Variants in NRXN3 observed in about 807,000 individuals in gnomAD.
NRXN3 encodes the protein neurexin III.
NRXN3 carries 32 observed loss-of-function variants against 137.6 expected under a neutral mutation model. The ratio of observed to expected loss-of-function variants is 0.23; its 90% CI spans 0.18 to 0.31. NRXN3 has a LOEUF of 0.31. Ranked by LOEUF, NRXN3 falls within the 10% of genes least tolerant of loss-of-function variation. NRXN3 has a pLI of 1.00. For missense variants in NRXN3, 1,574 were observed against 2,062.5 expected, an observed-to-expected ratio of 0.76 and a Z score of 4.59; for synonymous variants, 798 against 784.5, an observed-to-expected ratio of 1.02 and a Z score of -0.29.
At chr14:79,544,351 G>A (rs1278463011) in intron 16 of NRXN3, among the ~76,000 whole-genome samples, 2 of 152,196 alleles carry the variant, frequency 1.3e-5, no homozygotes, top group African/African-American at 2.4e-5. Flanking sequence ...GAGCATTAGA[G>A]GAAAAATGCC....
intron 14 of NRXN3, among the ~76,000 whole-genome samples, chr14:78,983,958 C>A (rs1240596576): frequency 3.3e-5 from 5 of 151,564 alleles, no homozygotes; most frequent in African/African-American, 1.2e-4. Context: ...GTGAAATAAG[C>A]CAGGCACAGA....
intron 5 of NRXN3, among the ~76,000 whole-genome samples, chr14:78,649,609 T>C (rs1425350365): frequency 2.0e-5 from 3 of 151,798 alleles, no homozygotes; most frequent in Non-Finnish European, 2.9e-5. Flanking sequence ...ATTTGTTTTC[T>C]TTTGTTTTCT....
At chr14:78,897,007 A>G (rs898287624) in intron 10 of NRXN3, among the ~76,000 whole-genome samples, 1 of 151,898 alleles carries the variant, frequency 6.6e-6, no homozygotes, top group Non-Finnish European at 1.5e-5. Context: ...CTTGTAAAGA[A>G]AGTTTTATTT....
chr14:78,578,738 G>C (rs1482976484), intron 4 of NRXN3, among the ~76,000 whole-genome samples: 2 of 152,008 alleles, frequency 1.3e-5, no homozygotes, highest in Non-Finnish European at 2.9e-5. Context: ...TACTCACTTA[G>C]GGCTGTCTGT....
chr14:79,255,636 A>T (rs149986261), intron 15 of NRXN3, among the ~76,000 whole-genome samples: 2 of 152,380 alleles, frequency 1.3e-5, no homozygotes, highest in East Asian at 1.9e-4. Context: ...GTTAATTATC[A>T]TCCTTATTAT....
At chr14:78,532,017 A>T (rs1278042225) in intron 4 of NRXN3, among the ~76,000 whole-genome samples, 2 of 151,980 alleles carry the variant, frequency 1.3e-5, no homozygotes, top group African/African-American at 4.8e-5. Flanking sequence ...CTTCATGGAG[A>T]AAACTGGCTA....
At chr14:79,036,018 C>A (rs1285295053) in intron 15 of NRXN3, among the ~76,000 whole-genome samples, 2 of 151,994 alleles carry the variant, frequency 1.3e-5, no homozygotes, top group African/African-American at 2.4e-5. Context: ...TTATATCATT[C>A]ATCTTGATGC....
At chr14:78,745,518 C>T (rs1166243099) in intron 8 of NRXN3, among the ~76,000 whole-genome samples, 1 of 152,224 alleles carries the variant, frequency 6.6e-6, no homozygotes, top group Non-Finnish European at 1.5e-5. Flanking sequence ...TCTTTCTCTG[C>T]ATTGAGCCTT....
At chr14:78,760,664 C>G (rs1296499004) in intron 8 of NRXN3, among the ~76,000 whole-genome samples, 1 of 151,920 alleles carries the variant, frequency 6.6e-6, no homozygotes, top group Admixed American at 6.6e-5. Flanking sequence ...GAAATCGTCA[C>G]TTCCTACCTG....
At chr14:78,365,422 C>T (rs1411342951) in intron 4 of NRXN3, among the ~76,000 whole-genome samples, 4 of 152,172 alleles carry the variant, frequency 2.6e-5, no homozygotes, top group African/African-American at 9.7e-5. Context: ...TAGATTCTTT[C>T]ATCTACTGTC....
chr14:79,102,875 A>G (rs1293759125), intron 15 of NRXN3, among the ~76,000 whole-genome samples: 2 of 152,180 alleles, frequency 1.3e-5, no homozygotes, highest in Middle Eastern at 3.2e-3. Context: ...GTAGTAAGTG[A>G]GAAAAAGGTG....
intron 10 of NRXN3, among the ~76,000 whole-genome samples, chr14:78,895,459 C>T (rs2099170837): frequency 6.6e-6 from 1 of 151,914 alleles, no homozygotes; most frequent in African/African-American, 2.4e-5. Context: ...CTGGGTTAGG[C>T]TTTGGCTTAA....
chr14:79,394,202 G>T (rs2094944921), intron 15 of NRXN3, among the ~76,000 whole-genome samples: 1 of 152,214 alleles, frequency 6.6e-6, no homozygotes, highest in African/African-American at 2.4e-5. Context: ...CAACCAGGAT[G>T]TAGGAAGAAC....
chr14:78,942,825 C>A (rs1206188630), intron 10 of NRXN3, among the ~76,000 whole-genome samples: 3 of 152,108 alleles, frequency 2.0e-5, no homozygotes, highest in African/African-American at 7.2e-5. Flanking sequence ...GCTAATCACC[C>A]TGATCTGATC....
At chr14:78,511,119 C>T (rs904527804) in intron 4 of NRXN3, among the ~76,000 whole-genome samples, 1 of 152,086 alleles carries the variant, frequency 6.6e-6, no homozygotes, top group African/African-American at 2.4e-5. Flanking sequence ...GCCTTGCTTG[C>T]CAGAGAACTA....
At chr14:78,412,673 G>T (rs963661578) in intron 4 of NRXN3, among the ~76,000 whole-genome samples, 2 of 152,152 alleles carry the variant, frequency 1.3e-5, no homozygotes, top group Admixed American at 6.5e-5. Context: ...CCCAGGTCAC[G>T]TGACTTCAGA....
chr14:79,625,578 C>G (rs1174968473), intron 16 of NRXN3, among the ~76,000 whole-genome samples: 1 of 151,492 alleles, frequency 6.6e-6, no homozygotes, highest in African/African-American at 2.5e-5. Flanking sequence ...TAACAGTGTA[C>G]AGGCATTCCC....
intron 19 of NRXN3, among the ~76,000 whole-genome samples, chr14:79,729,569 G>A (rs1028335261): frequency 3.9e-5 from 6 of 152,176 alleles, no homozygotes; most frequent in African/African-American, 1.4e-4. Context: ...TCTCCCCACA[G>A]AGATTCTGGG....
chr14:78,630,706 G>A (rs2097513240), intron 4 of NRXN3, among the ~76,000 whole-genome samples: 2 of 151,130 alleles, frequency 1.3e-5, no homozygotes, highest in African/African-American at 2.4e-5. Flanking sequence ...CTGGGTTCAC[G>A]CCATTCTCCT....
Sources: allele counts gnomAD v4.1 joint callset (sites outside exome capture counted in the v4.1 genomes callset), GRCh38; gene constraint gnomAD v4.1.1; transcripts MANE v1.5; gene names NCBI Gene and HGNC (gene_info 2026-07-23, HGNC 2026-07-21).